KCNH7: variants seen among roughly 807,000 people sequenced by gnomAD.
KCNH7 encodes potassium voltage-gated channel subfamily H member 7, also known as voltage-gated inwardly rectifying potassium channel KCNH7.
KCNH7 carries 49 observed loss-of-function variants against 120.8 expected under a neutral mutation model. That is an observed-to-expected ratio of 0.41 (90% CI 0.32 to 0.51). The LOEUF (loss-of-function observed/expected upper bound fraction) is 0.51. KCNH7 is among the 20% of genes least tolerant of loss of function. KCNH7 has a pLI of 0.38. For missense variants in KCNH7, 1,097 were observed against 1,446.6 expected (o/e 0.76, Z 3.92); for synonymous variants, 547 against 516.1 (o/e 1.06, Z -0.81).
chr2:162,507,726 T>C (rs909353116), intron 5 of KCNH7, among the ~76,000 whole-genome samples: 1 of 151,616 alleles, frequency 6.6e-6, no homozygotes, highest in African/African-American at 2.4e-5. Context: ...AAGAACTAGC[T>C]CATTTATAAG....
At chr2:162,577,317 CT>C (rs1257674023) in intron 2 of KCNH7, among the ~76,000 whole-genome samples, 1 of 147,460 alleles carries the variant, frequency 6.8e-6, no homozygotes, top group Non-Finnish European at 1.5e-5. Flanking sequence ...ATCTATCTAT[CT>C]ATCTATCTAT....
intron 5 of KCNH7, among the ~76,000 whole-genome samples, chr2:162,507,759 T>A (rs1690933423): frequency 6.6e-6 from 1 of 151,640 alleles, no homozygotes; most frequent in African/African-American, 2.4e-5. Flanking sequence ...CCTTATTTTC[T>A]CTTCAGTTTA....
At chr2:162,494,513 A>G (rs930782509) in intron 6 of KCNH7, among the ~76,000 whole-genome samples, 2 of 152,158 alleles carry the variant, frequency 1.3e-5, no homozygotes, top group Non-Finnish European at 2.9e-5. Context: ...AGTGAACAAT[A>G]AGTGTATATG....
At chr2:162,633,585 T>A (rs1429195920) in intron 2 of KCNH7, among the ~76,000 whole-genome samples, 1 of 152,014 alleles carries the variant, frequency 6.6e-6, no homozygotes, top group Admixed American at 6.6e-5. Context: ...TGTCATTTTA[T>A]ATAAACCCTT....
intron 5 of KCNH7, among the ~76,000 whole-genome samples, chr2:162,511,658 T>A (rs557634978): frequency 3.2e-4 from 49 of 151,806 alleles, no homozygotes; most frequent in African/African-American, 1.1e-3. Flanking sequence ...CAAACATTTT[T>A]GCTCCCTAGC....
intron 2 of KCNH7, among the ~76,000 whole-genome samples, chr2:162,801,671 C>T (rs571724365): frequency 3.6e-4 from 54 of 151,830 alleles, no homozygotes; most frequent in African/African-American, 8.2e-4. Context: ...ATCATTGTGG[C>T]GGATTAGACT....
chr2:162,668,821 C>T (rs1036719732), intron 2 of KCNH7, among the ~76,000 whole-genome samples: 3 of 152,098 alleles, frequency 2.0e-5, no homozygotes, highest in African/African-American at 7.2e-5. Context: ...ATTTTGCTTA[C>T]AAATGTAAAA....
chr2:162,617,090 A>C lies in KCNH7; in HGVS notation c.308-80010T>G, dbSNP rs1033097675. Among the ~76,000 whole-genome samples the C allele has an allele frequency of 8.5e-5, 13 of 152,266 alleles. No homozygotes were observed. The East Asian group carries it at 2.3e-3, about 27-fold the overall frequency. On this transcript the variant is annotated intron_variant, in intron 2 of 15. Coordinates refer to ENST00000332142, the MANE Select transcript of KCNH7 (RefSeq NM_033272.4). ...GAGGGGACTGGTGGATCTGAGATACAGTAAGTCATTTAACAACGTGATTAG... is the reference window on the plus strand; with the variant it reads ...GAGGGGACTGGTGGATCTGAGATACCGTAAGTCATTTAACAACGTGATTAG...
At chr2:162,479,194 T>G (rs1450042795) in intron 6 of KCNH7, among the ~76,000 whole-genome samples, 1 of 150,138 alleles carries the variant, frequency 6.7e-6, no homozygotes, top group Non-Finnish European at 1.5e-5. Flanking sequence ...TCAAAAAAAG[T>G]CATTCAATAG....
intron 2 of KCNH7, among the ~76,000 whole-genome samples, chr2:162,607,895 T>C (rs1337504351): frequency 6.6e-6 from 1 of 152,192 alleles, no homozygotes; most frequent in Non-Finnish European, 1.5e-5. Context: ...TCTAACAAAT[T>C]CAGCTAGCTT....
intron 2 of KCNH7, among the ~76,000 whole-genome samples, chr2:162,548,948 C>A (rs552914784): frequency 5.3e-5 from 8 of 152,268 alleles, no homozygotes; most frequent in African/African-American, 1.9e-4. Flanking sequence ...AAGTTATGTA[C>A]TGAAAGATAG....
chr2:162,686,333 GC>G (rs1685889809), intron 2 of KCNH7, among the ~76,000 whole-genome samples: 1 of 152,076 alleles, frequency 6.6e-6, no homozygotes, highest in East Asian at 1.9e-4. Context: ...TCTCGGCCAA[GC>G]AGAGAAGTGA....
At chr2:162,812,777 G>A (rs756283427) in intron 2 of KCNH7, among the ~76,000 whole-genome samples, 14 of 152,208 alleles carry the variant, frequency 9.2e-5, no homozygotes, top group Non-Finnish European at 1.8e-4. Context: ...AAGACAGCAG[G>A]AAGTGAGAAT....
At chr2:162,752,998 GAAAAGAAAAGAAAAGAAAAGAAAAGA>G (rs1688648687) in intron 2 of KCNH7, among the ~76,000 whole-genome samples, 1 of 140,242 alleles carries the variant, frequency 7.1e-6, no homozygotes, top group African/African-American at 2.9e-5. Context: ...GAAAAGAAAA[GAAAAGAAAAGAAAAGAAAAGAAAAGA>G]AAAGAAACCC....
intron 3 of KCNH7, among the ~76,000 whole-genome samples, chr2:162,534,921 C>T (rs1202050336): frequency 6.6e-6 from 1 of 151,626 alleles, no homozygotes; most frequent in Non-Finnish European, 1.5e-5. Context: ...CCAAATGTGT[C>T]TTCTTCCAAG....
At chr2:162,574,918 G>A (rs1693619131) in intron 2 of KCNH7, among the ~76,000 whole-genome samples, 1 of 152,064 alleles carries the variant, frequency 6.6e-6, no homozygotes, top group African/African-American at 2.4e-5. Context: ...TATTTCAGGT[G>A]GAATGCTAAA....
chr2:162,576,953 C>T (rs1693691258), intron 2 of KCNH7, among the ~76,000 whole-genome samples: 1 of 151,210 alleles, frequency 6.6e-6, no homozygotes, highest in African/African-American at 2.4e-5. Flanking sequence ...GCTCTGTTGC[C>T]CGGGCTGGAG....
intron 2 of KCNH7, among the ~76,000 whole-genome samples, chr2:162,546,704 T>C (rs565136024): frequency 2.6e-5 from 4 of 152,214 alleles, no homozygotes; most frequent in African/African-American, 7.2e-5. Context: ...TTACAAACAA[T>C]GTGAGCCTAA....
chr2:162,479,673 A>G (rs58922496), intron 6 of KCNH7, among the ~76,000 whole-genome samples: 11 of 145,298 alleles, frequency 7.6e-5, no homozygotes, highest in African/African-American at 2.0e-4. Context: ...GTGTGTGTGC[A>G]TGTGTGTGTG....
Sources: gnomAD v4.1 joint callset for allele counts (sites outside exome capture counted in the v4.1 genomes callset) on GRCh38, gnomAD v4.1.1 for gene constraint, MANE v1.5 for transcripts, NCBI Gene and HGNC (gene_info 2026-07-23, HGNC 2026-07-21) for gene names.